The following TBX20 variants were observed in gnomAD, a reference collection of about 807,000 sequenced individuals.
The protein encoded by TBX20 is T-box transcription factor TBX20.
Under a neutral mutation model 42.9 loss-of-function variants are expected in TBX20, and 8 were observed. The ratio of observed to expected loss-of-function variants is 0.19; its 90% CI spans 0.11 to 0.34. The LOEUF (loss-of-function observed/expected upper bound fraction) is 0.34. Among genes scored for constraint, TBX20 ranks in the 10% least tolerant of loss-of-function variants. The probability of loss-of-function intolerance (pLI) is 1.00; values close to 1 mark genes in which losing one functional copy is unlikely to be tolerated. For missense variants in TBX20, 411 were observed against 566.0 expected (o/e 0.73, Z 2.78); for synonymous variants, 198 against 222.8 (o/e 0.89, Z 0.99).
chr7:35,249,343 C>T lies in TBX20; in HGVS notation c.381-502G>A, dbSNP rs995831028. Among the ~76,000 whole-genome samples, 2 of 152,216 alleles carry T rather than the reference C, an allele frequency of 1.3e-5. No individual in the cohort carries two copies. The highest frequency in any genetic ancestry group is 2.9e-5 in the Non-Finnish European group (2 of 68,044). On this transcript the variant is annotated intron_variant, in intron 2 of 7. Coordinates refer to ENST00000408931, the MANE Select transcript of TBX20 (RefSeq NM_001077653.2). The surrounding 1 kb of genome is among the most constrained non-coding windows in gnomAD (Gnocchi z 4.3). ...CTGTAGTCCCAAGAGCTAGAGCCAC[C>T]AAGTTTTGCCAGCCTCTGCCCCATC...
chr7:35,236,656 C>G (rs1789972548), intron 5 of TBX20, among the ~76,000 whole-genome samples: 1 of 152,102 alleles, frequency 6.6e-6, no homozygotes, highest in Non-Finnish European at 1.5e-5. Context: ...ACTGCCCTGT[C>G]AGGATATAAA....
At chr7:35,215,989 CT>C (rs1789582722) in intron 6 of TBX20, among the ~76,000 whole-genome samples, 1 of 152,168 alleles carries the variant, frequency 6.6e-6, no homozygotes, top group Non-Finnish European at 1.5e-5. Context: ...AAAACTTTCC[CT>C]TCCCCTCACA....
intron 5 of TBX20, 51 bp from the exon 6 acceptor site, chr7:35,231,631 A>C: frequency 8.2e-7 from 1 of 1,221,844 alleles, no homozygotes; most frequent in Middle Eastern, 1.9e-4. Flanking sequence ...TCAAGGAAGT[A>C]AAATCAGAAA....
At chr7:35,207,893 T>A (rs535960813) in intron 6 of TBX20, among the ~76,000 whole-genome samples, 1 of 152,328 alleles carries the variant, frequency 6.6e-6, no homozygotes, top group African/African-American at 2.4e-5. Flanking sequence ...ACTCTATCTT[T>A]TTTTTCAAAG....
At chr7:35,207,797 C>T (rs2532127) in intron 6 of TBX20, among the ~76,000 whole-genome samples, 79,895 of 151,714 alleles carry the variant, frequency 0.53, 21,228 homozygotes, top group Admixed American at 0.61. Flanking sequence ...TTGATGTGTT[C>T]GTGGAACTTG....
chr7:35,243,814 C>G (rs1326615581), intron 4 of TBX20, among the ~76,000 whole-genome samples: 1 of 152,144 alleles, frequency 6.6e-6, no homozygotes, highest in Non-Finnish European at 1.5e-5. Context: ...CCCAACAGCA[C>G]CACCAGTAGA....
chr7:35,213,595 T>C (rs1007810092), intron 6 of TBX20, among the ~76,000 whole-genome samples: 2 of 152,030 alleles, frequency 1.3e-5, no homozygotes, highest in African/African-American at 4.8e-5. Flanking sequence ...TTATAATGAG[T>C]TGGTTAAAAA....
intron 1 of TBX20, among the ~76,000 whole-genome samples, chr7:35,250,460 A>T (rs1790284722): frequency 6.6e-6 from 1 of 152,208 alleles, no homozygotes; most frequent in African/African-American, 2.4e-5. Context: ...ACTGCAGCCC[A>T]CTTTGGGAAA....
intron 6 of TBX20, among the ~76,000 whole-genome samples, chr7:35,230,566 A>G (rs1027491225): frequency 7.2e-5 from 11 of 152,138 alleles, no homozygotes; most frequent in African/African-American, 2.7e-4. Flanking sequence ...GAAGGCTGAG[A>G]CAGAGGTTGT....
chr7:35,253,593 G>A lies in TBX20; in HGVS notation c.28C>T (p.Gln10Ter). 6.2e-7 allele frequency: 1 copy of A among 1,612,110 alleles called. No homozygotes were observed. Reference protein sequence around the residue: MEFTASPKPQLSSRANAFSI... With the variant: MEFTASPKP ...AAGGCGTTGGCCCGAGAGGAGAGTT[G>A]GGGCTTGGGGGACGCCGTGAACTCC... The change falls in exon 1 of 8, where the codon CAA (glutamine) becomes TAA (stop). Residue 10 changes from glutamine (Q) to a stop codon, truncating the protein, a stop_gained. Transcript: ENST00000408931. LOFTEE classifies it high-confidence loss of function.
At chr7:35,240,019 G>A (rs192753520) in intron 5 of TBX20, among the ~76,000 whole-genome samples, 102 of 152,234 alleles carry the variant, frequency 6.7e-4, no homozygotes, top group Non-Finnish European at 1.3e-3. Context: ...CGAAGTGCTG[G>A]GATTACAGGC....
intron 5 of TBX20, among the ~76,000 whole-genome samples, chr7:35,236,868 T>C (rs1483166893): frequency 1.3e-5 from 2 of 152,202 alleles, no homozygotes; most frequent in African/African-American, 4.8e-5. Context: ...CTATACTTAA[T>C]GCAAGAAAGA....
Position 35,235,418 on chromosome 7 carries a change from CA to C in TBX20, c.814-3839del, listed in dbSNP as rs943964393. 4.0e-5 allele frequency among the ~76,000 whole-genome samples: 6 copies of C among 151,854 alleles called. No homozygotes were observed. In the South Asian group the frequency reaches 6.3e-4, roughly 16 times the overall value. ...GCCTGCAGCTTGTAATGTTGTTGAA[CA>C]AATCACGTTTATCAAAAGTAATCCT... On this transcript the variant is annotated intron_variant, in intron 5 of 7. Coordinates refer to ENST00000408931, the MANE Select transcript of TBX20 (RefSeq NM_001077653.2).
At position 35,253,781 on chromosome 7, in the gene TBX20, C is replaced by T; in HGVS notation, c.-161G>A. On this transcript the variant is annotated 5_prime_UTR_variant, in exon 1 of 8. Coordinates refer to ENST00000408931, the MANE Select transcript of TBX20 (RefSeq NM_001077653.2). ...GTCAGCTCCAACGACTCCAGAGCTG[C>T]ACACTGGCCTCTATTCCCCACCGCA... 1.2e-6 allele frequency: 1 copy of T among 844,176 alleles called. No homozygotes were observed. The highest frequency in any genetic ancestry group is 1.8e-6 in the Non-Finnish European group (1 of 554,292). 52.3% of individuals were successfully genotyped at this position (844,176 alleles called of 1,614,324 possible).
chr7:35,239,855 G>A (rs548573534), intron 5 of TBX20, among the ~76,000 whole-genome samples: 17 of 152,058 alleles, frequency 1.1e-4, no homozygotes, highest in East Asian at 3.9e-4. Flanking sequence ...AGGTTCAAGC[G>A]ATTCTCCTGC....
intron 1 of TBX20, among the ~76,000 whole-genome samples, chr7:35,250,925 A>G (rs1478190283): frequency 6.6e-6 from 1 of 152,216 alleles, no homozygotes; most frequent in Non-Finnish European, 1.5e-5. Context: ...CATTTTCAGA[A>G]GAGGCTTAGA....
intron 6 of TBX20, among the ~76,000 whole-genome samples, chr7:35,229,126 C>T (rs1334330523): frequency 6.6e-6 from 1 of 152,134 alleles, no homozygotes; most frequent in Non-Finnish European, 1.5e-5. Flanking sequence ...AAATCTGAAA[C>T]AGGAAACTTG....
chr7:35,212,279 T>C (rs1287383600), intron 6 of TBX20, among the ~76,000 whole-genome samples: 1 of 152,206 alleles, frequency 6.6e-6, no homozygotes, highest in Non-Finnish European at 1.5e-5. Flanking sequence ...TGATTTTTGG[T>C]AAATCTTCTA....
chr7:35,242,267 G>A (rs1790098752), intron 4 of TBX20, among the ~76,000 whole-genome samples: 1 of 152,104 alleles, frequency 6.6e-6, no homozygotes, highest in Non-Finnish European at 1.5e-5. Context: ...TAAAGTTACG[G>A]GGTTTTAACT....
Sources: allele counts gnomAD v4.1 joint callset (sites outside exome capture counted in the v4.1 genomes callset), GRCh38; gene constraint gnomAD v4.1.1; non-coding constraint Gnocchi (gnomAD v3.1); transcripts MANE v1.5; gene names NCBI Gene and HGNC (gene_info 2026-07-23, HGNC 2026-07-21).